The following MELK variants were observed in gnomAD, a reference collection of about 807,000 sequenced individuals.
The protein encoded by MELK is maternal embryonic leucine zipper kinase.
In MELK, 81 loss-of-function variants were observed where a neutral mutation model predicts 85.0. The observed-to-expected ratio is 0.95, with a 90% CI of 0.80 to 1.15. The LOEUF is 1.15. MELK is among the 50% of genes most tolerant of loss of function. The probability of loss-of-function intolerance (pLI) is 0.00; values close to 1 mark genes in which losing one functional copy is unlikely to be tolerated. For synonymous variants in MELK, 252 were observed against 265.0 expected, an observed-to-expected ratio of 0.95 and a Z score of 0.48; for missense variants, 754 against 777.5, an observed-to-expected ratio of 0.97 and a Z score of 0.36.
chr9:36,638,058 T>C (rs1380821886), intron 10 of MELK, among the ~76,000 whole-genome samples: 1 of 152,150 alleles, frequency 6.6e-6, no homozygotes, highest in Non-Finnish European at 1.5e-5. Context: ...ATGCCTGTGT[T>C]CAGCCATTGG....
chr9:36,671,196 G>A, intron 16 of MELK, 30 bp downstream of exon 16: 3 of 1,518,802 alleles, frequency 2.0e-6, no homozygotes, highest in Non-Finnish European at 2.6e-6. Flanking sequence ...TTCATATGGA[G>A]CAGAAGCTGA....
At chr9:36,636,786 G>GTCTGTCTTTCTTTCTTTCTT (rs1829232941) in intron 10 of MELK, among the ~76,000 whole-genome samples, 1 of 50,646 alleles carries the variant, frequency 2.0e-5, no homozygotes, top group East Asian at 7.0e-4. Context: ...CTTTCTTTCT[G>GTCTGTCTTTCTTTCTTTCTT]TCTGTCTTTC....
chr9:36,664,256 T>C (rs1564224826), intron 13 of MELK, among the ~76,000 whole-genome samples: 2 of 152,216 alleles, frequency 1.3e-5, no homozygotes, highest in East Asian at 3.8e-4. Flanking sequence ...AACATACTTA[T>C]TTATGTTCTG....
At chr9:36,634,653 G>C (rs1019627778) in intron 10 of MELK, among the ~76,000 whole-genome samples, 1 of 151,900 alleles carries the variant, frequency 6.6e-6, no homozygotes, top group African/African-American at 2.4e-5. Flanking sequence ...GTTGCAGTGA[G>C]CTAAGAGCGC....
intron 4 of MELK, among the ~76,000 whole-genome samples, chr9:36,592,919 C>T (rs914970311): frequency 6.6e-6 from 1 of 152,264 alleles, no homozygotes; most frequent in Non-Finnish European, 1.5e-5. Context: ...AAAGTTTTCT[C>T]CAGCCCTTTT....
chr9:36,594,915 T>C (rs2135453685), intron 5 of MELK, 144 bp downstream of exon 5: 2 of 958,500 alleles, frequency 2.1e-6, no homozygotes, highest in African/African-American at 1.7e-5. Context: ...GATTTCTTTT[T>C]TCCTCTTACT....
intron 16 of MELK, among the ~76,000 whole-genome samples, chr9:36,674,539 CAGTT>C (rs1833170876): frequency 6.6e-6 from 1 of 152,128 alleles, no homozygotes; most frequent in Non-Finnish European, 1.5e-5. Context: ...AAAGCTCAAA[CAGTT>C]AGATGGGTGC....
At chr9:36,651,268 C>G (rs1301876977) in intron 11 of MELK, among the ~76,000 whole-genome samples, 1 of 152,124 alleles carries the variant, frequency 6.6e-6, no homozygotes, top group Non-Finnish European at 1.5e-5. Flanking sequence ...TAACAATTAA[C>G]TATTTTGAAC....
intron 3 of MELK, among the ~76,000 whole-genome samples, chr9:36,587,066 G>C (rs1002083743): frequency 6.6e-6 from 1 of 151,934 alleles, no homozygotes; most frequent in South Asian, 2.1e-4. Context: ...AGCCAGGATG[G>C]TCTCGATCTC....
intron 10 of MELK, among the ~76,000 whole-genome samples, chr9:36,636,132 G>C (rs1829117318): frequency 6.6e-6 from 1 of 151,992 alleles, no homozygotes; most frequent in Non-Finnish European, 1.5e-5. Context: ...GTAAAAATGT[G>C]GATATTACTA....
chr9:36,655,858 G>C (rs1372798632), intron 12 of MELK, among the ~76,000 whole-genome samples: 1 of 152,188 alleles, frequency 6.6e-6, no homozygotes, highest in African/African-American at 2.4e-5. Flanking sequence ...GGAAAGATTA[G>C]TGGTAGAGAC....
rs1421664244 is a variant in MELK, at chr9:36,677,209, C to T, written c.1828C>T (p.Gln610Ter). 6.2e-7 allele frequency: 1 copy of T among 1,613,806 alleles called. No homozygotes were observed. Among genetic ancestry groups the T allele is most frequent in the Non-Finnish European group, 8.5e-7 (1 of 1,179,914 alleles). The change falls in exon 18 of 18, where the codon CAA becomes TAA. Residue 610 changes from glutamine to a stop codon, truncating the protein, a stop_gained. Transcript: ENST00000298048. LOFTEE classifies it high-confidence loss of function. The stretch of plus-strand genomic sequence containing the variant: ...GTCAGATTTTGGGAAAGTGACAATG[C>T]AATTTGAATTAGAAGTGTGCCAGCT... ...TQSDFGKVTMQFELEVCQLQK... is the reference protein window; with the variant it reads ...TQSDFGKVTM
At chr9:36,573,627 T>G (rs951934500) in intron 1 of MELK, among the ~76,000 whole-genome samples, 30 of 152,142 alleles carry the variant, frequency 2.0e-4, no homozygotes, top group Non-Finnish European at 3.8e-4. Context: ...TGCCTCAGCC[T>G]CCCGAGTAGC....
rs772094570 is a variant in MELK, at chr9:36,671,047, C to T, written c.1555C>T (p.Pro519Ser). The change falls in exon 16 of 18, where the codon CCA (proline) becomes TCA (serine). Residue 519 changes from proline to serine, a missense_variant. Coordinates refer to ENST00000298048, the MANE Select transcript of MELK (RefSeq NM_014791.4). Reference protein sequence around the residue: ...DLNQAHMEETPKRKGAKVFGS... With the variant: ...DLNQAHMEETSKRKGAKVFGS... The stretch of plus-strand genomic sequence containing the variant: ...CAACCAAGCACATATGGAGGAGACT[C>T]CAAAAAGAAAGGGAGCCAAAGTGTT... The T allele has an allele frequency of 2.5e-6, 4 of 1,613,122 alleles. No individual in the cohort carries two copies. The highest frequency in any genetic ancestry group is 3.4e-6 in the Non-Finnish European group (4 of 1,179,620).
chr9:36,573,696 G>A (rs759884977), intron 1 of MELK, among the ~76,000 whole-genome samples: 7 of 151,862 alleles, frequency 4.6e-5, no homozygotes, highest in African/African-American at 1.7e-4. Context: ...TAGTAGAGAC[G>A]GGGTTTCACC....
intron 16 of MELK, among the ~76,000 whole-genome samples, chr9:36,673,010 A>C (rs1833020340): frequency 6.6e-6 from 1 of 152,170 alleles, no homozygotes; most frequent in African/African-American, 2.4e-5. Flanking sequence ...CTATACACTT[A>C]CCGGAAGAGT....
chr9:36,643,339 C>T (rs192087708), intron 11 of MELK, among the ~76,000 whole-genome samples: 4 of 152,098 alleles, frequency 2.6e-5, no homozygotes, highest in Admixed American at 6.5e-5. Context: ...GCTGAGATCA[C>T]ACCACTGCAC....
At chr9:36,646,187 G>A (rs1189934649) in intron 11 of MELK, among the ~76,000 whole-genome samples, 1 of 152,174 alleles carries the variant, frequency 6.6e-6, no homozygotes, top group Non-Finnish European at 1.5e-5. Context: ...AGAAACCCTT[G>A]TCTGGGTAGC....
chr9:36,588,872 GT>G (rs1010432455), intron 3 of MELK, among the ~76,000 whole-genome samples: 1 of 152,120 alleles, frequency 6.6e-6, no homozygotes, highest in Non-Finnish European at 1.5e-5. Flanking sequence ...AAGTTCACTG[GT>G]TTTTTGCTCA....
Sources: allele counts gnomAD v4.1 joint callset (sites outside exome capture counted in the v4.1 genomes callset), GRCh38; gene constraint gnomAD v4.1.1; transcripts MANE v1.5; gene names NCBI Gene and HGNC (gene_info 2026-07-23, HGNC 2026-07-21).